Variants in ATP11A observed in about 807,000 individuals in gnomAD.
ATP11A encodes the protein ATPase phospholipid transporting 11A, also known as phospholipid-transporting ATPase IH.
Under a neutral mutation model 154.4 loss-of-function variants are expected in ATP11A, and 81 were observed. The observed-to-expected ratio is 0.52, with a 90% confidence interval of 0.44 to 0.63. ATP11A has a LOEUF of 0.63. Ranked by LOEUF, ATP11A falls within the 30% of genes least tolerant of loss-of-function variation. The pLI is 0.00. For synonymous variants in ATP11A, 623 were observed against 585.9 expected (o/e 1.06, Z -0.91); for missense variants, 1,316 against 1,474.3 (o/e 0.89, Z 1.76).
chr13:112,807,292 C>T lies in ATP11A; in HGVS notation c.333+999C>T, dbSNP rs2078349572. The stretch of plus-strand genomic sequence containing the variant: ...TAAACATGCAGCTGTGCAGTCAGTA[C>T]ATGGGGCCTGTGTGTCTTCACTAGG... On this transcript the variant is annotated intron_variant, in intron 4 of 29. Transcript: ENST00000375645. The surrounding 1 kb of genome is among the most constrained non-coding windows in gnomAD (Gnocchi z 4.5). Among the ~76,000 whole-genome samples the T allele has an allele frequency of 6.6e-6, 1 of 152,220 alleles. No homozygotes were observed. Among genetic ancestry groups the T allele is most frequent in the Admixed American group, 6.5e-5 (1 of 15,284 alleles).
In ATP11A at chr13:112,826,674, C is replaced by T. The variant is rs763106694; in HGVS notation, c.1024-20C>T. The T allele has an allele frequency of 5.0e-5, 81 of 1,609,146 alleles. No homozygotes were observed. The highest frequency in any genetic ancestry group is 1.8e-4 in the Middle Eastern group (1 of 5,672). The stretch of plus-strand genomic sequence containing the variant: ...GTCCCTCCTGGTGGAGGTGCTGACC[C>T]GCACCTTCTGCTCTTGCAGTTCCTC... On this transcript the variant is annotated intron_variant, in intron 11 of 29. Transcript: ENST00000375645.
In ATP11A at chr13:112,885,596, G is replaced by A. The variant is rs1366997659; in HGVS notation, c.*3730G>A. The A allele has an allele frequency of 1.5e-3, 2 of 1,336 alleles. 1 individual carries two copies. The highest frequency in any genetic ancestry group is 3.9e-3 in the African/African-American group (2 of 510). 0.1% of individuals were successfully genotyped at this position (1,336 alleles called of 1,614,324 possible). ...GTAAACACACGTCTCCCACACGTGA[G>A]CTCCCACACGTACACATGCACATGT... is the stretch of plus-strand genomic sequence containing the variant. On this transcript the variant is annotated 3_prime_UTR_variant, in exon 30 of 30. Coordinates refer to ENST00000375645, the MANE Select transcript of ATP11A (RefSeq NM_015205.3).
In ATP11A at chr13:112,863,038, T is replaced by C. The variant is rs571781252; in HGVS notation, c.2991+463T>C. On this transcript the variant is annotated intron_variant, in intron 25 of 29. Transcript: ENST00000375645. ...GGGTCCATCACCACCTGTGCAGTAG[T>C]TCAGTGCGGCCCATGCAGCTTCCCA... Among the ~76,000 whole-genome samples the C allele has an allele frequency of 5.3e-4, 78 of 147,266 alleles. 4 individuals are homozygous for C. The highest frequency in any genetic ancestry group is 1.0e-3 in the Non-Finnish European group (68 of 67,144).
Position 112,806,203 on chromosome 13 carries a change from C to T in ATP11A, c.253-10C>T, listed in dbSNP as rs1035252634. On this transcript the variant is annotated splice_polypyrimidine_tract_variant and intron_variant, in intron 3 of 29. Coordinates refer to ENST00000375645, the MANE Select transcript of ATP11A (RefSeq NM_015205.3). ...TTTGAAGATGATTTTACAATTCTCTCTTTCTGCAGTTGATTATTGATACAC... is the reference window on the plus strand; with the variant it reads ...TTTGAAGATGATTTTACAATTCTCTTTTTCTGCAGTTGATTATTGATACAC... 1.2e-6 allele frequency: 2 copies of T among 1,607,200 alleles called. No homozygotes were observed. The highest frequency in any genetic ancestry group is 1.7e-6 in the Non-Finnish European group (2 of 1,175,300).
intron 16 of ATP11A, among the ~76,000 whole-genome samples, chr13:112,840,315 C>G (rs1373893366): frequency 8.0e-6 from 1 of 125,572 alleles, no homozygotes; most frequent in Admixed American, 7.6e-5. Flanking sequence ...CCTCAGCCTC[C>G]CCACTCTCCC....
intron 1 of ATP11A, among the ~76,000 whole-genome samples, chr13:112,768,652 C>G (rs733433): frequency 0.012 from 1,772 of 152,340 alleles, 34 homozygotes; most frequent in African/African-American, 0.04. Context: ...GACACGTATA[C>G]TAACATGTTT....
At chr13:112,770,814 A>G (rs1168251269) in intron 1 of ATP11A, among the ~76,000 whole-genome samples, 1 of 152,238 alleles carries the variant, frequency 6.6e-6, no homozygotes, top group African/African-American at 2.4e-5. Flanking sequence ...GCCTATTTTT[A>G]GAAACGCTTA....
chr13:112,808,223 G>A (rs61533466), intron 4 of ATP11A, among the ~76,000 whole-genome samples: 1,703 of 152,144 alleles, frequency 0.011, 34 homozygotes, highest in African/African-American at 0.038. Flanking sequence ...CCATCGGCCT[G>A]GCTATGTCCC....
At position 112,784,903 on chromosome 13, in the gene ATP11A, G is replaced by C. The variant is rs545736406; in HGVS notation, c.40-232G>C. ...AGTTCACTGTGTGGCTCTCACAGGA[G>C]CGCAGACCCTCCTGGTGCTCACCAG... On this transcript the variant is annotated intron_variant, in intron 1 of 29. Coordinates refer to ENST00000375645, the MANE Select transcript of ATP11A (RefSeq NM_015205.3). Among the ~76,000 whole-genome samples the C allele has an allele frequency of 9.2e-5, 14 of 152,342 alleles. No individual in the cohort carries two copies. In the East Asian group the frequency reaches 2.7e-3, roughly 29 times the overall value.
At chr13:112,710,523 C>T (rs1372206015) in intron 1 of ATP11A, among the ~76,000 whole-genome samples, 1 of 152,212 alleles carries the variant, frequency 6.6e-6, no homozygotes, top group East Asian at 1.9e-4. Flanking sequence ...AGAACGTTAA[C>T]AGGAAGGAAG....
chr13:112,860,123 C>G lies in ATP11A; in HGVS notation c.2728-164C>G, dbSNP rs117031144. The stretch of plus-strand genomic sequence containing the variant: ...CTTTTTGCCAGCTGTGACTTTCATC[C>G]TGAAATCACAGTTGATATCACAGAC... On this transcript the variant is annotated intron_variant, in intron 23 of 29. Transcript: ENST00000375645. Among the ~76,000 whole-genome samples, 203 of 151,958 alleles carry G rather than the reference C, an allele frequency of 1.3e-3. 1 individual carries two copies. The East Asian group carries it at 0.019, about 14-fold the overall frequency.
intron 1 of ATP11A, among the ~76,000 whole-genome samples, chr13:112,691,895 T>C (rs1885243581): frequency 6.6e-6 from 1 of 152,140 alleles, no homozygotes; most frequent in South Asian, 2.1e-4. Context: ...AAGGTCAGCC[T>C]GACTTACTTA....
chr13:112,878,386 A>T, intron 29 of ATP11A, 83 bp downstream of exon 29: 2 of 1,452,644 alleles, frequency 1.4e-6, no homozygotes, highest in South Asian at 2.3e-5. Context: ...CCCTGAGTCC[A>T]CGTGCTCTGA....
chr13:112,704,530 C>T (rs1360713203), intron 1 of ATP11A, among the ~76,000 whole-genome samples: 1 of 152,212 alleles, frequency 6.6e-6, no homozygotes, highest in Admixed American at 6.5e-5. Context: ...CTGCGGCGTG[C>T]GTCTCAGGTT....
chr13:112,768,339 C>T (rs1594616552), intron 1 of ATP11A, among the ~76,000 whole-genome samples: 1 of 152,354 alleles, frequency 6.6e-6, no homozygotes, highest in Non-Finnish European at 1.5e-5. Flanking sequence ...GGCTGTGGGG[C>T]AACCTCAGCC....
At chr13:112,863,289 A>G (rs1276815924) in intron 25 of ATP11A, among the ~76,000 whole-genome samples, 15 of 142,086 alleles carry the variant, frequency 1.1e-4, no homozygotes, top group African/African-American at 2.6e-4. Flanking sequence ...AGCGGGGTCC[A>G]TCACCACCTG....
rs1216958422 is a variant in ATP11A, at chr13:112,690,403, C to T, written c.-14C>T. On this transcript the variant is annotated 5_prime_UTR_variant, in exon 1 of 30. Transcript: ENST00000375645. The surrounding 1 kb of genome is among the most constrained non-coding windows in gnomAD (Gnocchi z 5.6). ...GGGGCGCTGAACGGCGGAGCGGGAG[C>T]GGCCGGAGGAGCCATGGACTGCAGC... 4.6e-6 allele frequency: 6 copies of T among 1,296,962 alleles called. No homozygotes were observed. Among genetic ancestry groups the T allele is most frequent in the Middle Eastern group, 2.7e-4 (1 of 3,670 alleles). The allele number at this position is 1,296,962 out of a possible 1,614,324, so 80.3% of individuals were successfully genotyped here.
intron 1 of ATP11A, among the ~76,000 whole-genome samples, chr13:112,774,573 C>G (rs750499463): frequency 3.3e-5 from 5 of 152,236 alleles, no homozygotes; most frequent in African/African-American, 4.8e-5. Context: ...AGACGTGTAC[C>G]AGATCACAGT....
At position 112,724,475 on chromosome 13, in the gene ATP11A, C is replaced by T. The variant is rs189644939; in HGVS notation, c.39+34020C>T. Among the ~76,000 whole-genome samples the T allele has an allele frequency of 3.4e-3, 492 of 144,676 alleles. 1 individual carries two copies. Among genetic ancestry groups the T allele is most frequent in the African/African-American group, 0.013 (456 of 35,728 alleles). The allele number at this position is 144,676 out of a possible 152,430, so 94.9% of individuals were successfully genotyped here. A position where few individuals can be genotyped will look rare whatever the true frequency, so the allele number is the denominator to read the frequency against. On this transcript the variant is annotated intron_variant, in intron 1 of 29. Transcript: ENST00000375645. ...GGGTCCACTGGGAGCCCCCTGTCCC[C>T]GTGGAGCTGTCACGTGGCCCTCCTC...
Sources: gnomAD v4.1 joint callset for allele counts (sites outside exome capture counted in the v4.1 genomes callset) on GRCh38, gnomAD v4.1.1 for gene constraint, Gnocchi (gnomAD v3.1) non-coding constraint, MANE v1.5 for transcripts, NCBI Gene and HGNC (gene_info 2026-07-23, HGNC 2026-07-21) for gene names.